Variants in ACYP2 observed in about 807,000 individuals in gnomAD.
ACYP2 encodes acylphosphatase 2.
In ACYP2, 12 loss-of-function variants were observed where a neutral mutation model predicts 11.2. The ratio of observed to expected loss-of-function variants is 1.08; its 90% CI spans 0.69 to 1.74. ACYP2 has a LOEUF of 1.74. Ranked by LOEUF, ACYP2 falls within the 40% of genes most tolerant of loss-of-function variation. The pLI is 0.00. For missense variants in ACYP2, 134 were observed against 101.9 expected (o/e 1.31, Z -1.35); for synonymous variants, 43 against 32.2 (o/e 1.33, Z -1.13).
chr2:54,192,217 A>G (rs1684268594), intron 6 of ACYP2, among the ~76,000 whole-genome samples: 1 of 152,126 alleles, frequency 6.6e-6, no homozygotes, highest in Non-Finnish European at 1.5e-5. Flanking sequence ...TTTCTTGGGA[A>G]ATATTTTTTT....
intron 6 of ACYP2, among the ~76,000 whole-genome samples, chr2:54,299,878 T>C (rs968372584): frequency 6.6e-6 from 1 of 152,212 alleles, no homozygotes; most frequent in Non-Finnish European, 1.5e-5. Context: ...TGTTTGCAGG[T>C]CCCTGGCCAT....
Position 53,978,505 on chromosome 2 carries a change from A to T in ACYP2, c.62+4695A>T, listed in dbSNP as rs117806316. On this transcript the variant is annotated intron_variant, in intron 2 of 6. Transcript: ENST00000607452. ...TGGAGCTGAAAAGTTCCTATAACCG[A>T]GTGTGGGTAGCCTAGCACAAGGCAG... 2.6e-5 allele frequency among the ~76,000 whole-genome samples: 4 copies of T among 152,300 alleles called. No homozygotes were observed. The East Asian group carries it at 7.7e-4, about 29-fold the overall frequency.
chr2:54,041,479 A>G (rs1675223813), intron 2 of ACYP2, among the ~76,000 whole-genome samples: 1 of 152,190 alleles, frequency 6.6e-6, no homozygotes, highest in Admixed American at 6.5e-5. Context: ...TGGGAGAATA[A>G]AAGGGCCAGG....
At chr2:54,231,095 T>G (rs1686217421) in intron 6 of ACYP2, among the ~76,000 whole-genome samples, 1 of 152,106 alleles carries the variant, frequency 6.6e-6, no homozygotes. Flanking sequence ...CCTCCCAAAG[T>G]GCTGGGATTA....
intron 2 of ACYP2, among the ~76,000 whole-genome samples, chr2:53,975,825 C>A (rs567088122): frequency 2.6e-5 from 4 of 152,132 alleles, no homozygotes; most frequent in East Asian, 1.9e-4. Context: ...GAGCGAGACT[C>A]TCAAACAAAC....
intron 2 of ACYP2, among the ~76,000 whole-genome samples, chr2:54,016,725 C>CTT (rs5831288): frequency 5.4e-5 from 7 of 129,710 alleles, no homozygotes; most frequent in Non-Finnish European, 6.5e-5. Flanking sequence ...CCTTCAGTGT[C>CTT]TTTTTTTTTT....
At chr2:54,244,680 T>C (rs180745828) in intron 6 of ACYP2, among the ~76,000 whole-genome samples, 2 of 152,302 alleles carry the variant, frequency 1.3e-5, no homozygotes, top group East Asian at 3.9e-4. Flanking sequence ...ATGCTAGGAA[T>C]TGTCCCCCTC....
chr2:54,014,218 T>C (rs921008989), intron 2 of ACYP2, among the ~76,000 whole-genome samples: 3 of 151,984 alleles, frequency 2.0e-5, no homozygotes, highest in Non-Finnish European at 4.4e-5. Flanking sequence ...GGTTGGGGAA[T>C]GCAAACCTTT....
intron 2 of ACYP2, among the ~76,000 whole-genome samples, chr2:54,048,070 C>A (rs1675620079): frequency 6.6e-6 from 1 of 152,142 alleles, no homozygotes; most frequent in Admixed American, 6.5e-5. Flanking sequence ...TAGAATCTGA[C>A]AAATGTAGTA....
At chr2:54,010,910 C>A (rs1673334095) in intron 2 of ACYP2, among the ~76,000 whole-genome samples, 1 of 151,948 alleles carries the variant, frequency 6.6e-6, no homozygotes, top group African/African-American at 2.4e-5. Context: ...CTCAGGTGAT[C>A]TGCCTACCTT....
chr2:54,011,816 C>T (rs1673388508), intron 2 of ACYP2, among the ~76,000 whole-genome samples: 2 of 151,998 alleles, frequency 1.3e-5, no homozygotes, highest in Non-Finnish European at 2.9e-5. Context: ...TATCTTGTCA[C>T]ATTCATAAAT....
intron 6 of ACYP2, among the ~76,000 whole-genome samples, chr2:54,299,513 A>C (rs1689640565): frequency 6.6e-6 from 1 of 151,154 alleles, no homozygotes; most frequent in Non-Finnish European, 1.5e-5. Context: ...AATTGCTTGA[A>C]CTTGGGAGGC....
chr2:54,269,084 G>T (rs1019571644), intron 6 of ACYP2, among the ~76,000 whole-genome samples: 1 of 152,090 alleles, frequency 6.6e-6, no homozygotes, highest in African/African-American at 2.4e-5. Context: ...GTGAAACTGT[G>T]CCCATTATTC....
intron 4 of ACYP2, among the ~76,000 whole-genome samples, chr2:54,131,940 C>A (rs572165318): frequency 6.6e-6 from 1 of 152,300 alleles, no homozygotes; most frequent in South Asian, 2.1e-4. Flanking sequence ...CTCTCAGGTG[C>A]TGCTGTTTCA....
At chr2:54,257,411 G>C (rs1048626533) in intron 6 of ACYP2, among the ~76,000 whole-genome samples, 1 of 152,188 alleles carries the variant, frequency 6.6e-6, no homozygotes, top group African/African-American at 2.4e-5. Context: ...TGTCAGAAGT[G>C]ACATAAATCA....
chr2:54,106,897 C>T (rs1340971883), intron 4 of ACYP2, among the ~76,000 whole-genome samples: 1 of 152,090 alleles, frequency 6.6e-6, no homozygotes, highest in African/African-American at 2.4e-5. Context: ...TTTTGCTTTT[C>T]TTATAACATC....
At chr2:54,196,130 T>A (rs1684469966) in intron 6 of ACYP2, among the ~76,000 whole-genome samples, 1 of 152,116 alleles carries the variant, frequency 6.6e-6, no homozygotes, top group African/African-American at 2.4e-5. Flanking sequence ...TTGGATTTTA[T>A]TACTAAAGAG....
At position 53,996,348 on chromosome 2, in the gene ACYP2, TAAAA is replaced by T. The variant is rs766271548; in HGVS notation, c.62+22541_62+22544del. On this transcript the variant is annotated intron_variant, in intron 2 of 6. Transcript: ENST00000607452. Reference sequence around the variant, plus strand: ...GATGGGGATGTACACCTATGAGAGATAAAAAAGGAGGATGGAGGATTGGGTAAAG... The same window carrying T: ...GATGGGGATGTACACCTATGAGAGATAAGGAGGATGGAGGATTGGGTAAAG... Among the ~76,000 whole-genome samples, 35 of 151,590 alleles carry T rather than the reference TAAAA, an allele frequency of 2.3e-4. 1 individual carries two copies. The highest frequency in any genetic ancestry group is 3.3e-4 in the Admixed American group (5 of 15,214).
intron 6 of ACYP2, among the ~76,000 whole-genome samples, chr2:54,184,358 A>C (rs1464250731): frequency 6.6e-6 from 1 of 152,160 alleles, no homozygotes; most frequent in Non-Finnish European, 1.5e-5. Flanking sequence ...CATATTCCTT[A>C]GTAAGTTAAT....
Sources: allele counts gnomAD v4.1 joint callset (sites outside exome capture counted in the v4.1 genomes callset), GRCh38; gene constraint gnomAD v4.1.1; transcripts MANE v1.5; gene names NCBI Gene and HGNC (gene_info 2026-07-23, HGNC 2026-07-21).